FLNB: variants seen among roughly 807,000 people sequenced by gnomAD.
FLNB encodes the protein filamin B, also known as filamin-B.
FLNB carries 111 observed loss-of-function variants against 250.6 expected under a neutral mutation model. That is an observed-to-expected ratio of 0.44 (90% CI 0.38 to 0.52). FLNB has a LOEUF of 0.52. Ranked by LOEUF, FLNB falls within the 20% of genes least tolerant of loss-of-function variation. The pLI is 0.00. For missense variants in FLNB, 2,869 were observed against 3,447.8 expected (o/e 0.83, Z 4.20); for synonymous variants, 1,302 against 1,372.1 (o/e 0.95, Z 1.13).
Position 58,163,158 on chromosome 3 carries a change from G to A in FLNB, c.7026G>A (p.Lys2342=), listed in dbSNP as rs753458024. 11 of 1,614,010 alleles carry A rather than the reference G, an allele frequency of 6.8e-6. No homozygotes were observed. The South Asian group carries it at 1.1e-4, about 16-fold the overall frequency. ...ECHVSELEPD[K]YAVRFIPHEN... Reference sequence around the variant, plus strand: ...TGCCTTTGCTCATTCTCCTAGATAAGTATGCTGTTCGCTTCATCCCTCATG... The same window carrying A: ...TGCCTTTGCTCATTCTCCTAGATAAATATGCTGTTCGCTTCATCCCTCATG... The change falls in exon 43 of 46, where the codon AAG becomes AAA. Residue 2342 remains lysine, a synonymous_variant. Transcript: ENST00000295956.
rs112349615 is a variant in FLNB at position 58,013,508 on chromosome 3, G to A, written c.292+4652G>A. Among the ~76,000 whole-genome samples, 1,133 of 152,202 alleles carry A rather than the reference G, an allele frequency of 7.4e-3. 14 individuals are homozygous for A. The highest frequency in any genetic ancestry group is 0.025 in the African/African-American group (1,058 of 41,540). On this transcript the variant is annotated intron_variant, in intron 1 of 45. Coordinates refer to ENST00000295956, the MANE Select transcript of FLNB (RefSeq NM_001457.4). ...CTAGCAGATGCCAGCATGTCTTTTG[G>A]GTAGTACAGAGAGTGCTTAAAAAGT...
chr3:58,167,123 A>G (rs58173324), intron 43 of FLNB, among the ~76,000 whole-genome samples: 9 of 152,196 alleles, frequency 5.9e-5, no homozygotes, highest in Non-Finnish European at 1.3e-4. Flanking sequence ...GCGAGACTCT[A>G]TCTCAATCAA....
chr3:58,148,920 A>G (rs565793484), intron 36 of FLNB, 68 bp downstream of exon 36: 3 of 1,349,928 alleles, frequency 2.2e-6, no homozygotes, highest in African/African-American at 1.4e-5. Flanking sequence ...AGGCAGCGTC[A>G]TCTTTTCATC....
intron 1 of FLNB, among the ~76,000 whole-genome samples, chr3:58,075,990 A>G (rs974153746): frequency 6.6e-6 from 1 of 152,158 alleles, no homozygotes; most frequent in Non-Finnish European, 1.5e-5. Flanking sequence ...GGTGCTGGCC[A>G]GGGGCATGGC....
intron 28 of FLNB, among the ~76,000 whole-genome samples, chr3:58,137,221 G>A (rs922081319): frequency 1.3e-5 from 2 of 152,158 alleles, no homozygotes; most frequent in Non-Finnish European, 2.9e-5. Flanking sequence ...GGCTTTCACG[G>A]CAAGGTTGTG....
rs7644723 is a variant in FLNB at position 58,094,778 on chromosome 3, G to T, written c.788-58G>T. 535,915 of 1,398,082 alleles carry T rather than the reference G, an allele frequency of 0.38. 116,035 individuals carry two copies. Among genetic ancestry groups the T allele is most frequent in the East Asian group, 0.94 (40,961 of 43,808 alleles). 86.6% of individuals were successfully genotyped at this position (1,398,082 alleles called of 1,614,324 possible). On this transcript the variant is annotated intron_variant, in intron 4 of 45. Transcript: ENST00000295956. ...GTTCCCTGAAAGAGATGCAGTGGGC[G>T]ATGGCTCATGACACACCCTCGCCTG... is the stretch of plus-strand genomic sequence containing the variant.
At chr3:58,031,345 C>T (rs2097130684) in intron 1 of FLNB, among the ~76,000 whole-genome samples, 1 of 152,028 alleles carries the variant, frequency 6.6e-6, no homozygotes, top group Non-Finnish European at 1.5e-5. Context: ...CGGGTTCGCG[C>T]CATTCTCCTG....
intron 23 of FLNB, among the ~76,000 whole-genome samples, 165 bp from the exon 24 acceptor site, chr3:58,126,437 T>C (rs1188212171): frequency 6.6e-6 from 1 of 152,206 alleles, no homozygotes; most frequent in Admixed American, 6.5e-5. Context: ...AGAGTGTCTT[T>C]ACTTACATTA....
At chr3:58,078,654 A>G (rs2106951461) in intron 2 of FLNB, 63 bp from the exon 3 acceptor site, 1 of 1,539,552 alleles carries the variant, frequency 6.5e-7, no homozygotes, top group African/African-American at 1.4e-5. Flanking sequence ...GTTTAGGCAC[A>G]TGGTTTCCTT....
rs779644023 is a variant in FLNB at position 58,052,158 on chromosome 3, G to A, written c.293-24888G>A. Among the ~76,000 whole-genome samples, 7 of 152,178 alleles carry A rather than the reference G, an allele frequency of 4.6e-5. 1 individual carries two copies. Among genetic ancestry groups the A allele is most frequent in the Admixed American group, 3.3e-4 (5 of 15,280 alleles). ...CCACCTCGGCCTACCAAAGTGCTGG[G>A]ATTATGGGTGTGAGCCACTGTGCCC... On this transcript the variant is annotated intron_variant, in intron 1 of 45. Transcript: ENST00000295956.
chr3:58,013,601 G>T (rs2097101963), intron 1 of FLNB, among the ~76,000 whole-genome samples: 1 of 152,148 alleles, frequency 6.6e-6, no homozygotes, highest in South Asian at 2.1e-4. Context: ...AAGGTGGGTG[G>T]ATCACCTGAG....
intron 1 of FLNB, among the ~76,000 whole-genome samples, chr3:58,054,312 C>T (rs2097167061): frequency 6.6e-6 from 1 of 152,150 alleles, no homozygotes; most frequent in Admixed American, 6.5e-5. Context: ...ATCCAGTGTT[C>T]AATAGGTACA....
chr3:58,139,327 T>C (rs927057771), intron 29 of FLNB, among the ~76,000 whole-genome samples: 4 of 152,222 alleles, frequency 2.6e-5, no homozygotes, highest in Non-Finnish European at 5.9e-5. Context: ...AATACCATGC[T>C]GTCATCCTCA....
At chr3:58,068,708 G>A (rs1021164281) in intron 1 of FLNB, among the ~76,000 whole-genome samples, 15 of 152,200 alleles carry the variant, frequency 9.9e-5, no homozygotes, top group Non-Finnish European at 1.9e-4. Context: ...CTGGCCTGGG[G>A]TCTGGATGCA....
rs940421131 is a variant in FLNB at position 58,142,420 on chromosome 3, A to G, written c.5182-230A>G. ...CGTGGGTGCTGCTGGGAATTTTACAAACAGACTCCCGAGTGATTGCTAACA... is the reference window on the plus strand; with the variant it reads ...CGTGGGTGCTGCTGGGAATTTTACAGACAGACTCCCGAGTGATTGCTAACA... On this transcript the variant is annotated intron_variant, in intron 30 of 45. Coordinates refer to ENST00000295956, the MANE Select transcript of FLNB (RefSeq NM_001457.4). The surrounding 1 kb of genome is among the most constrained non-coding windows in gnomAD (Gnocchi z 4.3). Among the ~76,000 whole-genome samples the G allele has an allele frequency of 6.6e-6, 1 of 152,190 alleles. No individual in the cohort carries two copies. Among genetic ancestry groups the G allele is most frequent in the African/African-American group, 2.4e-5 (1 of 41,448 alleles).
chr3:58,103,831 G>A, intron 9 of FLNB, 128 bp from the exon 10 acceptor site: 1 of 1,089,792 alleles, frequency 9.2e-7, no homozygotes. Context: ...ATACTCTGGG[G>A]CAGCCCACTT....
chr3:58,047,316 C>A (rs891741406), intron 1 of FLNB, among the ~76,000 whole-genome samples: 1 of 152,108 alleles, frequency 6.6e-6, no homozygotes, highest in African/African-American at 2.4e-5. Flanking sequence ...TAACAGTTTT[C>A]ATTTTAGCAA....
chr3:58,140,681 T>C (rs951394853), intron 29 of FLNB, among the ~76,000 whole-genome samples: 1 of 152,206 alleles, frequency 6.6e-6, no homozygotes, highest in African/African-American at 2.4e-5. Flanking sequence ...CAATCTCAGC[T>C]CTCTGCAACC....
chr3:58,162,371 C>G (rs1285511641), intron 42 of FLNB, among the ~76,000 whole-genome samples: 2 of 152,162 alleles, frequency 1.3e-5, no homozygotes, highest in Non-Finnish European at 2.9e-5. Flanking sequence ...TAGGTGCCCA[C>G]TTCAGTTAAC....
Sources: gnomAD v4.1 joint callset for allele counts (sites outside exome capture counted in the v4.1 genomes callset) on GRCh38, gnomAD v4.1.1 for gene constraint, Gnocchi (gnomAD v3.1) non-coding constraint, MANE v1.5 for transcripts, NCBI Gene and HGNC (gene_info 2026-07-23, HGNC 2026-07-21) for gene names.